The following SH2B1 variants were observed in gnomAD, a reference collection of about 807,000 sequenced individuals.
The protein encoded by SH2B1 is SH2B adaptor protein 1.
A neutral mutation model predicts 62.6 loss-of-function variants in SH2B1; 15 were observed. The observed-to-expected ratio is 0.24, with a 90% confidence interval of 0.16 to 0.37. The LOEUF is 0.37. SH2B1 is among the 10% of genes least tolerant of loss of function. The pLI is 1.00. For synonymous variants in SH2B1, 443 were observed against 438.0 expected, an observed-to-expected ratio of 1.01 and a Z score of -0.14; for missense variants, 925 against 1,015.6, an observed-to-expected ratio of 0.91 and a Z score of 1.21.
At chr16:28,871,650 C>T in intron 4 of SH2B1, 130 bp from the exon 5 acceptor site, 1 of 723,228 alleles carries the variant, frequency 1.4e-6, no homozygotes, top group Non-Finnish European at 2.5e-6. Flanking sequence ...GGGGTCACTA[C>T]CCACAGAGCT....
intron 1 of SH2B1, among the ~76,000 whole-genome samples, chr16:28,855,960 C>T (rs1437327372): frequency 2.7e-5 from 4 of 150,504 alleles, no homozygotes; most frequent in East Asian, 4.0e-4. Flanking sequence ...TGTGAGCCAC[C>T]GCGCCCAGCC....
In SH2B1 at chr16:28,852,527, T is replaced by C. The variant is rs1390868849; in HGVS notation, c.-301+5700T>C. On this transcript the variant is annotated intron_variant, in intron 1 of 10. Coordinates refer to the SH2B1 transcript ENST00000322610. ...ATATATATACACATATATTTATATA[T>C]ATACACATATATTTATATATATACA... is the stretch of plus-strand genomic sequence containing the variant. Among the ~76,000 whole-genome samples the C allele has an allele frequency of 4.9e-4, 25 of 51,332 alleles. 10 individuals are homozygous for C. The highest frequency in any genetic ancestry group is 3.0e-3 in the African/African-American group (23 of 7,796). 33.7% of individuals were successfully genotyped at this position (51,332 alleles called of 152,430 possible).
rs945737560 is a variant in SH2B1 at position 28,865,874 on chromosome 16, G to A, written c.-221G>A. On this transcript the variant is annotated 5_prime_UTR_variant, in exon 1 of 8. Transcript: ENST00000684370. ...GGTGCCAGGATCTGGGAGAGGGAAGGGAGGTGTTGGGCTCCCTTCCCCATT... is the reference window on the plus strand; with the variant it reads ...GGTGCCAGGATCTGGGAGAGGGAAGAGAGGTGTTGGGCTCCCTTCCCCATT... 3.0e-6 allele frequency: 4 copies of A among 1,334,870 alleles called. No individual in the cohort carries two copies. The African/African-American group carries it at 4.5e-5, about 15-fold the overall frequency. 82.7% of individuals were successfully genotyped at this position (1,334,870 alleles called of 1,614,324 possible).
intron 1 of SH2B1, 123 bp from the exon 2 acceptor site, chr16:28,867,208 G>C: frequency 8.3e-7 from 1 of 1,202,044 alleles, no homozygotes; most frequent in Non-Finnish European, 1.2e-6. Context: ...GACTGAGAAA[G>C]CAGTGTGACT....
At position 28,873,713 on chromosome 16, in the gene SH2B1, G is replaced by C; in HGVS notation, c.2164G>C (p.Asp722His). The C allele has an allele frequency of 6.7e-7, 1 of 1,501,084 alleles. No individual in the cohort carries two copies. Among genetic ancestry groups the C allele is most frequent in the Admixed American group, 2.3e-5 (1 of 42,710 alleles). The allele number at this position is 1,501,084 out of a possible 1,614,324, so 93.0% of individuals were successfully genotyped here. The change falls in exon 8 of 8, where the codon GAC becomes CAC. Residue 722 changes from aspartate (D) to histidine (H), a missense_variant. By Grantham distance (81) the Asp-to-His change is moderately conservative. Around this residue, in one of 3 missense-constraint regions of SH2B1, gnomAD observed 185 missense variants for 189.5 expected, o/e 0.98. Coordinates refer to ENST00000684370, the MANE Select transcript of SH2B1 (RefSeq NM_001387430.1). This position sits in a 1 kb window ranked among gnomAD's most constrained non-coding sequence, Gnocchi z 4.2. ...GGCCCAGGGCGCTGGGTCTGGTGGG[G>C]ACGCGGGGGTGCCCCCAATGGTGCA... ...SEAQGAGSGG[D>H]AGVPPMVQLQ... is the part of the protein sequence containing the mutation.
intron 4 of SH2B1, among the ~76,000 whole-genome samples, chr16:28,870,838 C>T (rs973371387): frequency 8.6e-5 from 13 of 152,026 alleles, no homozygotes; most frequent in African/African-American, 3.1e-4. Context: ...CGTGTGCCAC[C>T]ACCACACCTA....
At position 28,865,878 on chromosome 16, in the gene SH2B1, G is replaced by T. The variant is rs1962653802; in HGVS notation, c.-217G>T. On this transcript the variant is annotated 5_prime_UTR_variant, in exon 1 of 8. Transcript: ENST00000684370. ...CCAGGATCTGGGAGAGGGAAGGGAG[G>T]TGTTGGGCTCCCTTCCCCATTGCTC... 2 of 1,340,000 alleles carry T rather than the reference G, an allele frequency of 1.5e-6. No individual in the cohort carries two copies. Among genetic ancestry groups the T allele is most frequent in the Admixed American group, 3.7e-5 (1 of 27,258 alleles). The allele number at this position is 1,340,000 out of a possible 1,614,324, so 83.0% of individuals were successfully genotyped here.
Position 28,873,047 on chromosome 16 carries a change from C to T in SH2B1, c.1897+342C>T. Reference sequence around the variant, plus strand: ...CGTCGCAGCCTGGCCTTGGGCCTGCCCTTCCCGGGGACACTCGGTCTGATC... The same window carrying T: ...CGTCGCAGCCTGGCCTTGGGCCTGCTCTTCCCGGGGACACTCGGTCTGATC... On this transcript the variant is annotated intron_variant, in intron 7 of 7. Coordinates refer to ENST00000684370, the MANE Select transcript of SH2B1 (RefSeq NM_001387430.1). The surrounding 1 kb of genome is among the most constrained non-coding windows in gnomAD (Gnocchi z 4.2). 1.4e-6 allele frequency: 1 copy of T among 733,106 alleles called. No homozygotes were observed. Among genetic ancestry groups the T allele is most frequent in the Non-Finnish European group, 2.2e-6 (1 of 454,542 alleles). 45.4% of individuals were successfully genotyped at this position (733,106 alleles called of 1,614,324 possible). A position where few individuals can be genotyped will look rare whatever the true frequency, so the allele number is the denominator to read the frequency against.
chr16:28,852,341 TAC>T lies in SH2B1; in HGVS notation c.-301+5516_-301+5517del, dbSNP rs1202469392. On this transcript the variant is annotated intron_variant, in intron 1 of 10. Transcript: ENST00000322610. ...ACATATATATATTTACATATATATT[TAC>T]ATATATATTTATATATATATTTATA... Among the ~76,000 whole-genome samples, 58 of 61,856 alleles carry T rather than the reference TAC, an allele frequency of 9.4e-4. 5 individuals are homozygous for T. The highest frequency in any genetic ancestry group is 1.2e-3 in the Non-Finnish European group (41 of 33,942). The allele number at this position is 61,856 out of a possible 152,430, so 40.6% of individuals were successfully genotyped here.
In SH2B1 at chr16:28,866,706, C is replaced by A. The variant is rs367969323; in HGVS notation, c.612C>A (p.Gly204=). ...LGGNSNSNSS[G]GAGTVGRGLV... is the part of the protein sequence containing the mutation. ...GAAACAGCAACTCCAACTCCTCTGG[C>A]GGGGCTGGGACCGTTGGTAGGGGAC... The change falls in exon 1 of 8, where the codon GGC becomes GGA. Residue 204 remains glycine, a synonymous_variant. Transcript: ENST00000684370. The surrounding 1 kb of genome is among the most constrained non-coding windows in gnomAD (Gnocchi z 6.3). 4.4e-6 allele frequency: 7 copies of A among 1,593,040 alleles called. No homozygotes were observed. The highest frequency in any genetic ancestry group is 3.4e-5 in the Admixed American group (2 of 58,272).
chr16:28,864,725 C>G lies in SH2B1; in HGVS notation c.-1370C>G. On this transcript the variant is annotated 5_prime_UTR_variant, in exon 1 of 8. Coordinates refer to ENST00000684370, the MANE Select transcript of SH2B1 (RefSeq NM_001387430.1). ...TAACAAGAGCCAAGGGTTGTAAATTCCACACCCAGCTCTGCCACTTTCTAG... is the reference window on the plus strand; with the variant it reads ...TAACAAGAGCCAAGGGTTGTAAATTGCACACCCAGCTCTGCCACTTTCTAG... 1.1e-6 allele frequency: 1 copy of G among 914,878 alleles called. No individual in the cohort carries two copies. The highest frequency in any genetic ancestry group is 1.3e-6 in the Non-Finnish European group (1 of 765,576). 56.7% of individuals were successfully genotyped at this position (914,878 alleles called of 1,614,324 possible). A position where few individuals can be genotyped will look rare whatever the true frequency, so the allele number is the denominator to read the frequency against.
chr16:28,851,931 G>T (rs1962107588), intron 1 of SH2B1, among the ~76,000 whole-genome samples: 1 of 149,810 alleles, frequency 6.7e-6, no homozygotes, highest in Non-Finnish European at 1.5e-5. Context: ...GTTGGGCATG[G>T]TGGTGCGCAC....
In SH2B1 at chr16:28,869,220, T is replaced by C; in HGVS notation, c.1146T>C (p.Ala382=). Residue 382 remains alanine (A), a synonymous_variant, in exon 4 of 8, where the codon GCT becomes GCC. Transcript: ENST00000684370. ...CCTGTCTCTGCAGACCCTGCCCTGC[T>C]ACCAGTCCCCGCCCCATGACCCTCC... The part of the protein sequence containing the change: ...QECLSPGPCP[A]TSPRPMTLPL... 3.1e-6 allele frequency: 5 copies of C among 1,614,096 alleles called. No individual in the cohort carries two copies. The highest frequency in any genetic ancestry group is 4.2e-6 in the Non-Finnish European group (5 of 1,179,982).
Position 28,866,797 on chromosome 16 carries a change from C to T in SH2B1, c.703C>T (p.Arg235Trp), listed in dbSNP as rs750446806. Residue 235 changes from arginine (R) to tryptophan (W), a missense_variant, in exon 1 of 8, where the codon CGG (arginine) becomes TGG (tryptophan). Transcript: ENST00000684370. The surrounding 1 kb of genome is among the most constrained non-coding windows in gnomAD (Gnocchi z 6.3). ...CCGTTTTGAGAGGCTGAGACTCAGT[C>T]GGGGAGGGGGCGCCTTGAAGGATGG... ...THRFERLRLS[R>W]GGGALKDGAG... 1.8e-5 allele frequency: 28 copies of T among 1,582,154 alleles called. No homozygotes were observed. The East Asian group carries it at 1.8e-4, about 10-fold the overall frequency.
intron 4 of SH2B1, among the ~76,000 whole-genome samples, chr16:28,870,404 C>T (rs564992209): frequency 7.2e-5 from 11 of 152,134 alleles, no homozygotes; most frequent in Non-Finnish European, 1.3e-4. Flanking sequence ...ACTGCGACGC[C>T]GAGGAGAGGA....
Position 28,873,950 on chromosome 16 carries a change from A to G in SH2B1, c.*130A>G. On this transcript the variant is annotated 3_prime_UTR_variant, in exon 8 of 8. Transcript: ENST00000684370. The surrounding 1 kb of genome is among the most constrained non-coding windows in gnomAD (Gnocchi z 4.2). ...CCCTTGTTGGCCAAGGGCATCTTTG[A>G]TGGTACAAGCAGAGGCTCGGGAGAG... The G allele has an allele frequency of 1.1e-6, 1 of 942,812 alleles. No homozygotes were observed. The highest frequency in any genetic ancestry group is 3.2e-5 in the East Asian group (1 of 31,110). The allele number at this position is 942,812 out of a possible 1,614,324, so 58.4% of individuals were successfully genotyped here. A position where few individuals can be genotyped will look rare whatever the true frequency, so the allele number is the denominator to read the frequency against.
intron 1 of SH2B1, among the ~76,000 whole-genome samples, chr16:28,852,802 ATATT>A (rs1303282185): frequency 1.5e-5 from 1 of 64,528 alleles, no homozygotes; most frequent in Non-Finnish European, 2.5e-5. Context: ...ATTTACATAT[ATATT>A]TACATATATT....
rs2152176174 is a variant in SH2B1 at position 28,866,493 on chromosome 16, C to T, written c.399C>T (p.Leu133=). The change falls in exon 1 of 8, where the codon CTC becomes CTT. Residue 133 remains leucine, a synonymous_variant. Coordinates refer to ENST00000684370, the MANE Select transcript of SH2B1 (RefSeq NM_001387430.1). This position sits in a 1 kb window ranked among gnomAD's most constrained non-coding sequence, Gnocchi z 6.3. The part of the protein sequence containing the change: ...SRSSEDLAGP[L]PSSVSSSSTT... ...CATCTGAGGACCTGGCCGGCCCCCTCCCTTCCTCAGTCTCTTCCTCCTCTA... is the reference window on the plus strand; with the variant it reads ...CATCTGAGGACCTGGCCGGCCCCCTTCCTTCCTCAGTCTCTTCCTCCTCTA... The T allele has an allele frequency of 1.2e-6, 2 of 1,614,138 alleles. No homozygotes were observed. Among genetic ancestry groups the T allele is most frequent in the Admixed American group, 1.7e-5 (1 of 60,024 alleles).
chr16:28,865,753 C>T lies in SH2B1; in HGVS notation c.-342C>T. ...TTTAGGGGGAAGGTGCTCCAAAGCC[C>T]TCTACTGCTGGATCCAAAGCTAAGG... is the stretch of plus-strand genomic sequence containing the variant. On this transcript the variant is annotated 5_prime_UTR_variant, in exon 1 of 8. Transcript: ENST00000684370. The T allele has an allele frequency of 9.2e-7, 1 of 1,082,696 alleles. No individual in the cohort carries two copies. The highest frequency in any genetic ancestry group is 1.1e-6 in the Non-Finnish European group (1 of 893,208). The allele number at this position is 1,082,696 out of a possible 1,614,324, so 67.1% of individuals were successfully genotyped here.
Sources: gnomAD v4.1 joint callset for allele counts (sites outside exome capture counted in the v4.1 genomes callset) on GRCh38, gnomAD v4.1.1 for gene constraint, gnomAD v4.1.1 regional missense constraint, Gnocchi (gnomAD v3.1) non-coding constraint, MANE v1.5 for transcripts, NCBI Gene and HGNC (gene_info 2026-07-23, HGNC 2026-07-21) for gene names.